The following DAB1 variants were observed in gnomAD, a reference collection of about 807,000 sequenced individuals.
DAB1 encodes disabled homolog 1.
Under a neutral mutation model 64.6 loss-of-function variants are expected in DAB1, and 15 were observed. That is an observed-to-expected ratio of 0.23 (90% CI 0.16 to 0.36). The LOEUF (loss-of-function observed/expected upper bound fraction) is 0.36. Among genes scored for constraint, DAB1 ranks in the 10% least tolerant of loss-of-function variants. The pLI is 1.00. For missense variants in DAB1, 596 were observed against 706.7 expected, an observed-to-expected ratio of 0.84 and a Z score of 1.78; for synonymous variants, 235 against 251.9, an observed-to-expected ratio of 0.93 and a Z score of 0.64.
chr1:58,100,015 A>T (rs1029492041), intron 5 of DAB1, among the ~76,000 whole-genome samples: 2 of 152,196 alleles, frequency 1.3e-5, no homozygotes, highest in Non-Finnish European at 2.9e-5. Context: ...TAACTTGCTT[A>T]TCACCACCCT....
intron 1 of DAB1, among the ~76,000 whole-genome samples, chr1:57,413,311 A>C (rs776555702): frequency 2.0e-5 from 3 of 152,236 alleles, no homozygotes; most frequent in Non-Finnish European, 4.4e-5. Flanking sequence ...TCTACTCTGC[A>C]GCCCATGGAT....
intron 1 of DAB1, among the ~76,000 whole-genome samples, chr1:57,841,904 G>A (rs564657857): frequency 1.3e-5 from 2 of 152,258 alleles, no homozygotes; most frequent in South Asian, 2.1e-4. Flanking sequence ...GTAAATTTCT[G>A]CAGGCAGCTT....
At chr1:58,125,641 C>G (rs915697464) in intron 5 of DAB1, among the ~76,000 whole-genome samples, 3 of 151,908 alleles carry the variant, frequency 2.0e-5, no homozygotes, top group Non-Finnish European at 2.9e-5. Context: ...AGACAAGGTG[C>G]CACTGTATTG....
intron 2 of DAB1, among the ~76,000 whole-genome samples, chr1:57,203,469 A>G (rs959154411): frequency 5.9e-5 from 9 of 152,298 alleles, no homozygotes; most frequent in African/African-American, 2.2e-4. Context: ...AGTGGGAACC[A>G]GTGGCCCACA....
chr1:57,788,771 A>G (rs754291414), intron 6 of DAB1, among the ~76,000 whole-genome samples: 3 of 152,162 alleles, frequency 2.0e-5, no homozygotes, highest in South Asian at 2.1e-4. Flanking sequence ...TACTTCATAG[A>G]GTACACATGT....
chr1:57,732,209 G>A (rs563741605), intron 6 of DAB1, among the ~76,000 whole-genome samples: 2 of 152,286 alleles, frequency 1.3e-5, no homozygotes, highest in East Asian at 3.9e-4. Context: ...GTTAGTTTTT[G>A]GCCCTCCATG....
intron 6 of DAB1, among the ~76,000 whole-genome samples, chr1:57,757,053 C>T (rs1490300985): frequency 6.6e-6 from 1 of 152,052 alleles, no homozygotes; most frequent in Non-Finnish European, 1.5e-5. Flanking sequence ...TAGTATATAG[C>T]AGTGTTTCTC....
intron 2 of DAB1, among the ~76,000 whole-genome samples, chr1:57,261,263 A>G (rs555356503): frequency 6.6e-6 from 1 of 152,254 alleles, no homozygotes; most frequent in East Asian, 1.9e-4. Context: ...GGCCTCTGAC[A>G]TATTTTATCA....
intron 5 of DAB1, among the ~76,000 whole-genome samples, chr1:58,086,236 T>G (rs1222079859): frequency 6.6e-6 from 1 of 152,096 alleles, no homozygotes; most frequent in Non-Finnish European, 1.5e-5. Flanking sequence ...GTGCTGGGAT[T>G]ACAGGCGTGA....
intron 7 of DAB1, among the ~76,000 whole-genome samples, chr1:57,543,710 G>A (rs1644827270): frequency 6.6e-6 from 1 of 152,134 alleles, no homozygotes; most frequent in Admixed American, 6.5e-5. Flanking sequence ...TGAGTAGAAG[G>A]AATGGCATTG....
chr1:57,882,319 A>T (rs1644157364), intron 1 of DAB1, among the ~76,000 whole-genome samples: 1 of 152,204 alleles, frequency 6.6e-6, no homozygotes, highest in Non-Finnish European at 1.5e-5. Flanking sequence ...GAGGGGGCAC[A>T]GGGCAGACCA....
intron 3 of DAB1, among the ~76,000 whole-genome samples, chr1:58,445,556 A>T (rs1645055926): frequency 1.3e-5 from 2 of 151,898 alleles, no homozygotes; most frequent in Admixed American, 1.3e-4. Flanking sequence ...CATGATTTAC[A>T]CCTCCCATGT....
At chr1:57,394,329 A>G (rs950984515) in intron 1 of DAB1, among the ~76,000 whole-genome samples, 1 of 152,206 alleles carries the variant, frequency 6.6e-6, no homozygotes, top group Non-Finnish European at 1.5e-5. Flanking sequence ...TCCAACAGCA[A>G]CACAGTTACC....
chr1:57,232,706 C>T lies in DAB1; in HGVS notation c.67+58258G>A, dbSNP rs570638325. Among the ~76,000 whole-genome samples the T allele has an allele frequency of 1.2e-3, 179 of 152,196 alleles. 2 individuals are homozygous for T. In the South Asian group the frequency reaches 0.014, roughly 12 times the overall value. On this transcript the variant is annotated intron_variant, in intron 2 of 14. Transcript: ENST00000371236. ...CAGATGGCGCCCATCTGAAGAGCAA[C>T]ATGTGAGCTGACATTTATTAGGCAC...
At chr1:57,221,694 A>AC (rs1666886492) in intron 2 of DAB1, among the ~76,000 whole-genome samples, 1 of 151,756 alleles carries the variant, frequency 6.6e-6, no homozygotes, top group Admixed American at 6.6e-5. Flanking sequence ...CAGCAGTCAC[A>AC]CTCTCCCTAC....
chr1:57,233,852 G>C (rs1667889522), intron 2 of DAB1, among the ~76,000 whole-genome samples: 1 of 152,104 alleles, frequency 6.6e-6, no homozygotes, highest in Admixed American at 6.5e-5. Flanking sequence ...TATATACTTG[G>C]AGGTGAGTGG....
intron 2 of DAB1, among the ~76,000 whole-genome samples, chr1:57,208,789 C>T (rs74074196): frequency 0.037 from 5,616 of 152,128 alleles, 163 homozygotes; most frequent in African/African-American, 0.068. Context: ...AAACTGAGGC[C>T]TAGAAAAGTT....
rs146085575 is a variant in DAB1 at position 57,483,789 on chromosome 1, G to T, written n.625+165803C>A. Among the ~76,000 whole-genome samples, 32 of 152,168 alleles carry T rather than the reference G, an allele frequency of 2.1e-4. No homozygotes were observed. In the East Asian group the frequency reaches 5.8e-3, roughly 28 times the overall value. On this transcript the variant is annotated intron_variant and non_coding_transcript_variant, in intron 7 of 20. Transcript: ENST00000485760. ...AGTTCATGTCATGAAGACACCGATG[G>T]TGATTTTATATACCCTGGGTTGCAA... is the stretch of plus-strand genomic sequence containing the variant.
chr1:57,302,123 A>C (rs1274212508), intron 1 of DAB1, among the ~76,000 whole-genome samples: 1 of 152,164 alleles, frequency 6.6e-6, no homozygotes, highest in Non-Finnish European at 1.5e-5. Context: ...AATTTTCTCC[A>C]CAAAAGGATC....
Sources: allele counts gnomAD v4.1 joint callset (sites outside exome capture counted in the v4.1 genomes callset), GRCh38; gene constraint gnomAD v4.1.1; transcripts MANE v1.5; gene names NCBI Gene and HGNC (gene_info 2026-07-23, HGNC 2026-07-21).